SCCPDH: variants seen among roughly 807,000 people sequenced by gnomAD.
The protein encoded by SCCPDH is saccharopine dehydrogenase-like oxidoreductase.
In SCCPDH, 34 loss-of-function variants were observed where a neutral mutation model predicts 51.5. The ratio of observed to expected loss-of-function variants is 0.66; its 90% CI spans 0.50 to 0.88. The LOEUF (loss-of-function observed/expected upper bound fraction) is 0.88. SCCPDH is among the 40% of genes least tolerant of loss of function. SCCPDH has a pLI of 0.00. For synonymous variants in SCCPDH, 187 were observed against 191.3 expected (o/e 0.98, Z 0.19); for missense variants, 464 against 527.1 (o/e 0.88, Z 1.17).
At chr1:246,757,384 T>G (rs1042120218) in intron 5 of SCCPDH, among the ~76,000 whole-genome samples, 1 of 144,726 alleles carries the variant, frequency 6.9e-6, no homozygotes, top group African/African-American at 2.6e-5. Context: ...GCTGTGATAG[T>G]AAATTCAGAG....
Position 246,730,613 on chromosome 1 carries a change from C to T in SCCPDH, c.303+3609C>T, listed in dbSNP as rs77632761. On this transcript the variant is annotated intron_variant, in intron 2 of 11. Coordinates refer to ENST00000366510, the MANE Select transcript of SCCPDH (RefSeq NM_016002.3). The stretch of plus-strand genomic sequence containing the variant: ...ACTTAACATGGCCCAGGGAATGTCT[C>T]GTAGTCAGTCCATATAGTAACCGTT... Among the ~76,000 whole-genome samples the T allele has an allele frequency of 1.5e-3, 225 of 152,294 alleles. 1 individual carries two copies. The highest frequency in any genetic ancestry group is 5.1e-3 in the African/African-American group (210 of 41,572).
intron 4 of SCCPDH, among the ~76,000 whole-genome samples, chr1:246,740,727 A>G (rs1435594731): frequency 1.3e-5 from 2 of 152,254 alleles, no homozygotes; most frequent in Non-Finnish European, 2.9e-5. Flanking sequence ...GGAGAAAATA[A>G]TGTTACGATA....
At chr1:246,747,527 A>G (rs1025113013) in intron 5 of SCCPDH, among the ~76,000 whole-genome samples, 2 of 152,230 alleles carry the variant, frequency 1.3e-5, no homozygotes, top group Non-Finnish European at 2.9e-5. Flanking sequence ...GTGCCGCAAA[A>G]GAAATAGCGC....
At chr1:246,758,921 T>C in intron 6 of SCCPDH, 113 bp from the exon 7 acceptor site, 1 of 755,010 alleles carries the variant, frequency 1.3e-6, no homozygotes, top group Non-Finnish European at 2.4e-6. Context: ...CCCAAAGTGC[T>C]GGGATTACAG....
chr1:246,753,556 A>G (rs1668886269), intron 5 of SCCPDH, among the ~76,000 whole-genome samples: 1 of 151,838 alleles, frequency 6.6e-6, no homozygotes, highest in Admixed American at 6.6e-5. Context: ...AATCCCCTTT[A>G]TTATCAATTC....
At chr1:246,749,298 A>T (rs1558171533) in intron 5 of SCCPDH, among the ~76,000 whole-genome samples, 1 of 152,228 alleles carries the variant, frequency 6.6e-6, no homozygotes, top group Non-Finnish European at 1.5e-5. Context: ...AAGCATTTGC[A>T]TCCAGATACC....
chr1:246,755,799 CA>C, intron 5 of SCCPDH: 1 of 153,726 alleles, frequency 6.5e-6, no homozygotes, highest in Non-Finnish European at 1.5e-5. Flanking sequence ...CTGCTGACGG[CA>C]AAAACGGCCT....
At chr1:246,746,127 A>G (rs916669281) in intron 5 of SCCPDH, among the ~76,000 whole-genome samples, 10 of 151,256 alleles carry the variant, frequency 6.6e-5, no homozygotes, top group East Asian at 1.9e-4. Context: ...AAAAAAAAAA[A>G]AAAAAGAAGG....
At chr1:246,758,772 G>GAAGT (rs1186353153) in intron 6 of SCCPDH, among the ~76,000 whole-genome samples, 1 of 151,878 alleles carries the variant, frequency 6.6e-6, no homozygotes, top group Non-Finnish European at 1.5e-5. Flanking sequence ...ACATATGTGA[G>GAAGT]AAGTTTAGAG....
In SCCPDH at chr1:246,740,285, C is replaced by T. The variant is rs762016863; in HGVS notation, c.498C>T (p.Thr166=). 13 of 1,593,250 alleles carry T rather than the reference C, an allele frequency of 8.2e-6. No individual in the cohort carries two copies. In the South Asian group the frequency reaches 1.4e-4, roughly 17 times the overall value. ...SIPADLGVIY[T]RNKMNGTLTA... is the part of the protein sequence containing the mutation. The stretch of plus-strand genomic sequence containing the variant: ...CAGCAGATCTGGGAGTAATATATAC[C>T]AGAAATAAAATGAATGGTAATTATT... The change falls in exon 4 of 12, where the codon ACC becomes ACT. Residue 166 remains threonine (T), a synonymous_variant. Coordinates refer to ENST00000366510, the MANE Select transcript of SCCPDH (RefSeq NM_016002.3).
At chr1:246,752,087 C>CT (rs199538417) in intron 5 of SCCPDH, among the ~76,000 whole-genome samples, 210 of 150,470 alleles carry the variant, frequency 1.4e-3, no homozygotes, top group African/African-American at 4.9e-3. Context: ...GCTAATTCTC[C>CT]TTTTTTTTTA....
intron 5 of SCCPDH, among the ~76,000 whole-genome samples, chr1:246,755,289 G>T (rs1310718023): frequency 6.6e-6 from 1 of 152,106 alleles, no homozygotes; most frequent in Non-Finnish European, 1.5e-5. Context: ...GTTTCGATGT[G>T]CATCTGGACA....
rs1669097550 is a variant in SCCPDH at position 246,767,180 on chromosome 1, GTT to G, written c.1185-14_1185-13del. 1.3e-6 allele frequency: 2 copies of G among 1,582,852 alleles called. No individual in the cohort carries two copies. The highest frequency in any genetic ancestry group is 1.7e-6 in the Non-Finnish European group (2 of 1,160,332). ...GGAGCTGAGTGCACTGTTTTCTCTT[GTT>G]ATTGTTTTATAGGGGCGGGGTCTTC... On this transcript the variant is annotated splice_polypyrimidine_tract_variant and intron_variant, in intron 11 of 11. Transcript: ENST00000366510.
intron 2 of SCCPDH, among the ~76,000 whole-genome samples, chr1:246,731,325 G>A (rs1297223019): frequency 6.6e-6 from 1 of 152,242 alleles, no homozygotes; most frequent in Non-Finnish European, 1.5e-5. Flanking sequence ...AGTAAGGAAT[G>A]GGCAGACTGG....
intron 3 of SCCPDH, among the ~76,000 whole-genome samples, chr1:246,738,721 G>A (rs1413140992): frequency 1.3e-5 from 2 of 152,104 alleles, no homozygotes; most frequent in African/African-American, 2.4e-5. Flanking sequence ...GGGCGTGGTG[G>A]CAGGTGCTGT....
At chr1:246,740,146 T>G in intron 3 of SCCPDH, 26 bp from the exon 4 acceptor site, 1 of 1,540,170 alleles carries the variant, frequency 6.5e-7, no homozygotes, top group Non-Finnish European at 8.8e-7. Context: ...CATAACTAAT[T>G]AAAATTCTTA....
At chr1:246,758,022 G>C (rs1668957590) in intron 5 of SCCPDH, among the ~76,000 whole-genome samples, 1 of 151,974 alleles carries the variant, frequency 6.6e-6, no homozygotes. Flanking sequence ...AGGGCTTCTC[G>C]GTGTAAATAT....
intron 5 of SCCPDH, among the ~76,000 whole-genome samples, chr1:246,757,119 G>A (rs1056894863): frequency 2.6e-5 from 4 of 152,158 alleles, no homozygotes; most frequent in Admixed American, 2.0e-4. Flanking sequence ...CAAGGCGGGC[G>A]GCTTGCCTGA....
Position 246,740,266 on chromosome 1 carries a change from A to T in SCCPDH, c.479A>T (p.Asp160Val). The T allele has an allele frequency of 6.2e-7, 1 of 1,608,104 alleles. No individual in the cohort carries two copies. The highest frequency in any genetic ancestry group is 8.5e-7 in the Non-Finnish European group (1 of 1,175,834). ...AGCGGCTTTGACTCCATTCCAGCAG[A>T]TCTGGGAGTAATATATACCAGAAAT... ...GSSGFDSIPA[D>V]LGVIYTRNKM... Residue 160 changes from aspartate to valine, a missense_variant, in exon 4 of 12, where the codon GAT becomes GTT. By Grantham distance (152) the Asp-to-Val change is radical (BLOSUM62 -3). Coordinates refer to ENST00000366510, the MANE Select transcript of SCCPDH (RefSeq NM_016002.3).
Sources: gnomAD v4.1 joint callset for allele counts (sites outside exome capture counted in the v4.1 genomes callset) on GRCh38, gnomAD v4.1.1 for gene constraint, MANE v1.5 for transcripts, NCBI Gene and HGNC (gene_info 2026-07-23, HGNC 2026-07-21) for gene names.